PRKN: variants seen among roughly 807,000 people sequenced by gnomAD.
The protein encoded by PRKN is parkin RBR E3 ubiquitin protein ligase, also known as E3 ubiquitin-protein ligase parkin.
In PRKN, 56 loss-of-function variants were observed where a neutral mutation model predicts 59.5. The ratio of observed to expected loss-of-function variants is 0.94; its 90% CI spans 0.76 to 1.18. PRKN has a LOEUF of 1.18. Ranked by LOEUF, PRKN falls within the 50% of genes most tolerant of loss-of-function variation. The pLI, the probability that PRKN is intolerant of heterozygous loss-of-function variation, is 0.00. For synonymous variants in PRKN, 250 were observed against 222.1 expected (o/e 1.13, Z -1.12); for missense variants, 657 against 596.4 (o/e 1.10, Z -1.06).
chr6:161,508,498 T>C (rs778229049), intron 9 of PRKN, among the ~76,000 whole-genome samples: 4 of 152,180 alleles, frequency 2.6e-5, no homozygotes, highest in East Asian at 3.9e-4. Flanking sequence ...TTACACATGA[T>C]GAAAAATTCT....
chr6:162,509,515 C>G (rs1442552229), intron 1 of PRKN, among the ~76,000 whole-genome samples: 1 of 152,186 alleles, frequency 6.6e-6, no homozygotes, highest in East Asian at 1.9e-4. Context: ...TTAGAACATT[C>G]TCTCAGGTAA....
chr6:162,415,160 G>T (rs967111064), intron 2 of PRKN, among the ~76,000 whole-genome samples: 1 of 152,116 alleles, frequency 6.6e-6, no homozygotes, highest in Non-Finnish European at 1.5e-5. Context: ...GCAACCCTGC[G>T]TAATAGACTT....
chr6:161,463,982 G>C lies in PRKN; in HGVS notation c.1084-77105C>G, dbSNP rs1297183050. On this transcript the variant is annotated intron_variant, in intron 9 of 11. Transcript: ENST00000366898. The surrounding 1 kb of genome is among the most constrained non-coding windows in gnomAD (Gnocchi z 4.8). ...TTTGTTTTTGTTTTTGTTTTTTTGAGAAGGAGTTTCGCTCTTGTTGCCCAG... is the reference window on the plus strand; with the variant it reads ...TTTGTTTTTGTTTTTGTTTTTTTGACAAGGAGTTTCGCTCTTGTTGCCCAG... Among the ~76,000 whole-genome samples, 1 of 152,006 alleles carries C rather than the reference G, an allele frequency of 6.6e-6. No individual in the cohort carries two copies. Among genetic ancestry groups the C allele is most frequent in the Non-Finnish European group, 1.5e-5 (1 of 68,008 alleles).
intron 1 of PRKN, among the ~76,000 whole-genome samples, chr6:162,612,969 C>A (rs934101457): frequency 2.0e-5 from 3 of 152,108 alleles, no homozygotes; most frequent in African/African-American, 7.2e-5. Context: ...TTCCACTAAC[C>A]CTGAAATTTT....
At chr6:162,577,405 G>C (rs980255647) in intron 1 of PRKN, among the ~76,000 whole-genome samples, 5 of 151,612 alleles carry the variant, frequency 3.3e-5, no homozygotes, top group Admixed American at 2.6e-4. Flanking sequence ...TTCGAGACCA[G>C]CCTGGCCGAC....
At chr6:161,992,747 A>T (rs961760226) in intron 5 of PRKN, among the ~76,000 whole-genome samples, 1 of 152,202 alleles carries the variant, frequency 6.6e-6, no homozygotes, top group Non-Finnish European at 1.5e-5. Flanking sequence ...ATCATATCAG[A>T]TATTAATATC....
At chr6:161,574,866 AGT>A (rs1317703995) in intron 7 of PRKN, among the ~76,000 whole-genome samples, 1 of 152,236 alleles carries the variant, frequency 6.6e-6, no homozygotes, top group Non-Finnish European at 1.5e-5. Flanking sequence ...GGAATCGAGT[AGT>A]GTTTTTACCT....
At chr6:162,724,452 T>C (rs891907033) in intron 1 of PRKN, among the ~76,000 whole-genome samples, 2 of 152,218 alleles carry the variant, frequency 1.3e-5, no homozygotes, top group African/African-American at 4.8e-5. Flanking sequence ...TCATTAGCAG[T>C]GAGGTCACAG....
At chr6:161,450,497 C>A (rs1320877962) in intron 9 of PRKN, among the ~76,000 whole-genome samples, 1 of 152,200 alleles carries the variant, frequency 6.6e-6, no homozygotes, top group Admixed American at 6.5e-5. Flanking sequence ...TTCTTGACTT[C>A]TCCATAAGTT....
intron 1 of PRKN, among the ~76,000 whole-genome samples, chr6:162,679,358 C>T (rs1176076756): frequency 6.6e-6 from 1 of 152,088 alleles, no homozygotes; most frequent in Non-Finnish European, 1.5e-5. Flanking sequence ...CCCACCTCGG[C>T]CTCCCAAAAT....
intron 7 of PRKN, among the ~76,000 whole-genome samples, chr6:161,673,197 G>A (rs539303555): frequency 1.3e-5 from 2 of 152,268 alleles, no homozygotes; most frequent in East Asian, 3.9e-4. Flanking sequence ...CATCCAAGAA[G>A]GCAAGACAGA....
intron 5 of PRKN, among the ~76,000 whole-genome samples, chr6:162,006,046 G>A (rs1325102939): frequency 6.6e-6 from 1 of 151,988 alleles, no homozygotes; most frequent in East Asian, 1.9e-4. Flanking sequence ...ACAATATTAA[G>A]TAAATCTGCA....
chr6:162,600,324 A>G (rs1781654177), intron 1 of PRKN, among the ~76,000 whole-genome samples: 1 of 152,210 alleles, frequency 6.6e-6, no homozygotes. Context: ...TTAATTACAG[A>G]CTAATAACCC....
Position 161,451,880 on chromosome 6 carries a change from G to A in PRKN, c.1084-65003C>T, listed in dbSNP as rs746781877. ...TAGAAAAATGGTGTCACCTTTAAAC[G>A]TTGTAAACTACATTTATAAATTTAA... is the stretch of plus-strand genomic sequence containing the variant. On this transcript the variant is annotated intron_variant, in intron 9 of 11. Coordinates refer to ENST00000366898, the MANE Select transcript of PRKN (RefSeq NM_004562.3). This position sits in a 1 kb window ranked among gnomAD's most constrained non-coding sequence, Gnocchi z 5.9. Among the ~76,000 whole-genome samples, 59 of 151,962 alleles carry A rather than the reference G, an allele frequency of 3.9e-4. No homozygotes were observed. Among genetic ancestry groups the A allele is most frequent in the Middle Eastern group, 3.4e-3 (1 of 294 alleles).
intron 2 of PRKN, among the ~76,000 whole-genome samples, chr6:162,294,671 A>G (rs1781585159): frequency 1.3e-5 from 2 of 152,180 alleles, no homozygotes; most frequent in African/African-American, 4.8e-5. Flanking sequence ...GTGCTTGCTC[A>G]GCATCATTAT....
At chr6:161,583,186 C>G (rs1781406766) in intron 7 of PRKN, among the ~76,000 whole-genome samples, 1 of 152,054 alleles carries the variant, frequency 6.6e-6, no homozygotes, top group Non-Finnish European at 1.5e-5. Flanking sequence ...TGATGTCACT[C>G]TGAGCACACA....
chr6:162,591,892 GAA>G (rs57079805), intron 1 of PRKN, among the ~76,000 whole-genome samples: 1 of 127,030 alleles, frequency 7.9e-6, no homozygotes. Flanking sequence ...TGAACTGCTA[GAA>G]AAAAAAAAAA....
chr6:162,159,272 G>T (rs968142403), intron 4 of PRKN, among the ~76,000 whole-genome samples: 4 of 152,168 alleles, frequency 2.6e-5, no homozygotes, highest in Non-Finnish European at 2.9e-5. Context: ...GGATGCAACA[G>T]AACTTAATGT....
At chr6:162,526,611 T>TAA (rs35154184) in intron 1 of PRKN, among the ~76,000 whole-genome samples, 3 of 142,350 alleles carry the variant, frequency 2.1e-5, no homozygotes, top group South Asian at 2.2e-4. Flanking sequence ...GATCGCGCTT[T>TAA]AAAAAAAAAA....
Sources: gnomAD v4.1 joint callset for allele counts (sites outside exome capture counted in the v4.1 genomes callset) on GRCh38, gnomAD v4.1.1 for gene constraint, Gnocchi (gnomAD v3.1) non-coding constraint, MANE v1.5 for transcripts, NCBI Gene and HGNC (gene_info 2026-07-23, HGNC 2026-07-21) for gene names.